MGRN1: variants seen among roughly 807,000 people sequenced by gnomAD.
MGRN1 encodes E3 ubiquitin-protein ligase MGRN1.
A neutral mutation model predicts 69.2 loss-of-function variants in MGRN1; 29 were observed. The observed-to-expected ratio is 0.42, with a 90% CI of 0.31 to 0.57. MGRN1 has a LOEUF of 0.57. Ranked by LOEUF, MGRN1 falls within the 20% of genes least tolerant of loss-of-function variation. MGRN1 has a pLI of 0.15. For missense variants in MGRN1, 998 were observed against 796.2 expected, an observed-to-expected ratio of 1.25 and a Z score of -3.05; for synonymous variants, 470 against 344.2, an observed-to-expected ratio of 1.37 and a Z score of -4.04.
chr16:4,667,830 G>A (rs1596302229), intron 7 of MGRN1, among the ~76,000 whole-genome samples: 1 of 152,062 alleles, frequency 6.6e-6, no homozygotes, highest in Non-Finnish European at 1.5e-5. Flanking sequence ...GCGTGCTCCC[G>A]CTCTGTCTTT....
At position 4,690,294 on chromosome 16, in the gene MGRN1, G is replaced by C. The variant is rs1054395893; in HGVS notation, c.*1386G>C. On this transcript the variant is annotated 3_prime_UTR_variant, in exon 17 of 17. Coordinates refer to ENST00000262370, the MANE Select transcript of MGRN1 (RefSeq NM_015246.4). ...GCCTGGGCCTGGTGACCCAGGGCTG[G>C]ATCCACCCCTGCGGAGCCCTGGGCC... 57 of 152,242 alleles carry C rather than the reference G, an allele frequency of 3.7e-4. No homozygotes were observed. Among genetic ancestry groups the C allele is most frequent in the African/African-American group, 1.2e-3 (50 of 41,508 alleles). The allele number at this position is 152,242 out of a possible 1,614,324, so 9.4% of individuals were successfully genotyped here. A position where few individuals can be genotyped will look rare whatever the true frequency, so the allele number is the denominator to read the frequency against.
chr16:4,680,274 C>T (rs1447365566), intron 12 of MGRN1, 177 bp downstream of exon 12: 6 of 642,904 alleles, frequency 9.3e-6, no homozygotes, highest in South Asian at 6.1e-5. Flanking sequence ...GAAAAGCTCT[C>T]GGTCCGTGGG....
At chr16:4,634,086 C>G (rs763187784) in intron 1 of MGRN1, among the ~76,000 whole-genome samples, 8 of 152,346 alleles carry the variant, frequency 5.3e-5, no homozygotes, top group Middle Eastern at 3.4e-3. Context: ...GGGAGGAGCA[C>G]TAGCTTCAGA....
intron 16 of MGRN1, chr16:4,687,080 AGTCCCTC>A: frequency 1.0e-6 from 1 of 985,494 alleles, no homozygotes; most frequent in Non-Finnish European, 1.2e-6. Flanking sequence ...CCTGGCACAC[AGTCCCTC>A]GTGGGCTGCC....
intron 11 of MGRN1, among the ~76,000 whole-genome samples, chr16:4,679,317 C>G (rs557868896): frequency 3.1e-4 from 47 of 152,304 alleles, no homozygotes; most frequent in African/African-American, 1.1e-3. Flanking sequence ...ATGTTTGTCC[C>G]TCTTATGCTG....
At chr16:4,626,596 A>C (rs1414821531) in intron 1 of MGRN1, among the ~76,000 whole-genome samples, 1 of 152,236 alleles carries the variant, frequency 6.6e-6, no homozygotes, top group East Asian at 1.9e-4. Context: ...TAATGACCAT[A>C]ATCATAGTAA....
chr16:4,664,691 T>G lies in MGRN1; in HGVS notation c.562-18T>G. 6.2e-7 allele frequency: 1 copy of G among 1,614,194 alleles called. No individual in the cohort carries two copies. The highest frequency in any genetic ancestry group is 8.5e-7 in the Non-Finnish European group (1 of 1,180,006). On this transcript the variant is annotated intron_variant, in intron 5 of 16. Coordinates refer to ENST00000262370, the MANE Select transcript of MGRN1 (RefSeq NM_015246.4). ...TGGCTGTGTGGGTCCTGACCATTCTTGGCAACTCTCTCCTCAGCTGAACTT... is the reference window on the plus strand; with the variant it reads ...TGGCTGTGTGGGTCCTGACCATTCTGGGCAACTCTCTCCTCAGCTGAACTT...
At chr16:4,675,898 A>G (rs2079043208) in intron 10 of MGRN1, among the ~76,000 whole-genome samples, 1 of 152,200 alleles carries the variant, frequency 6.6e-6, no homozygotes, top group Non-Finnish European at 1.5e-5. Flanking sequence ...GAACAACCTG[A>G]ATGTTCTCAG....
intron 4 of MGRN1, among the ~76,000 whole-genome samples, chr16:4,653,809 A>G (rs1049796706): frequency 7.3e-5 from 10 of 137,452 alleles, no homozygotes; most frequent in Admixed American, 3.6e-4. Context: ...CTGGAGTGCA[A>G]TGGTGTGATC....
intron 15 of MGRN1, 138 bp downstream of exon 15, chr16:4,683,407 G>A (rs975695110): frequency 7.3e-5 from 74 of 1,009,922 alleles, no homozygotes; most frequent in Middle Eastern, 2.4e-4. Flanking sequence ...GCCCCCCTCG[G>A]CGGCACTGGG....
At chr16:4,660,896 GT>G (rs1175668541) in intron 5 of MGRN1, among the ~76,000 whole-genome samples, 1 of 152,232 alleles carries the variant, frequency 6.6e-6, no homozygotes, top group African/African-American at 2.4e-5. Context: ...CCAGGTGTCT[GT>G]GGTATCCCTC....
At chr16:4,642,294 TTTTA>T (rs1186302505) in intron 1 of MGRN1, among the ~76,000 whole-genome samples, 1 of 151,698 alleles carries the variant, frequency 6.6e-6, no homozygotes, top group African/African-American at 2.4e-5. Context: ...ATTTTTGTAT[TTTTA>T]TTTATTTATT....
Position 4,689,897 on chromosome 16 carries a change from C to G in MGRN1, c.*989C>G, listed in dbSNP as rs2079417992. Reference sequence around the variant, plus strand: ...CGTCCTGCCTTAGGCTCCTGAGTAGCTGGGGATTACAGGTGCCTACCAGCA... The same window carrying G: ...CGTCCTGCCTTAGGCTCCTGAGTAGGTGGGGATTACAGGTGCCTACCAGCA... On this transcript the variant is annotated 3_prime_UTR_variant, in exon 17 of 17. Coordinates refer to ENST00000262370, the MANE Select transcript of MGRN1 (RefSeq NM_015246.4). 1 of 152,038 alleles carries G rather than the reference C, an allele frequency of 6.6e-6. No individual in the cohort carries two copies. The highest frequency in any genetic ancestry group is 2.4e-5 in the African/African-American group (1 of 41,370). 9.4% of individuals were successfully genotyped at this position (152,038 alleles called of 1,614,324 possible).
chr16:4,639,385 G>C (rs540881126), intron 1 of MGRN1, among the ~76,000 whole-genome samples: 1 of 152,186 alleles, frequency 6.6e-6, no homozygotes, highest in Admixed American at 6.5e-5. Flanking sequence ...AAGGTGGGGC[G>C]GGGTGGGCAG....
chr16:4,676,045 C>A (rs570561642), intron 10 of MGRN1, among the ~76,000 whole-genome samples: 5 of 152,230 alleles, frequency 3.3e-5, no homozygotes, highest in East Asian at 1.9e-4. Flanking sequence ...AGGACACATG[C>A]GCTTAGTAGG....
chr16:4,682,475 G>C (rs970198135), intron 13 of MGRN1, among the ~76,000 whole-genome samples: 1 of 152,194 alleles, frequency 6.6e-6, no homozygotes, highest in Non-Finnish European at 1.5e-5. Context: ...CCATGCCCAC[G>C]AGGAGGCAGC....
At chr16:4,648,417 G>A (rs1395695937) in intron 1 of MGRN1, among the ~76,000 whole-genome samples, 76 of 89,388 alleles carry the variant, frequency 8.5e-4, no homozygotes, top group South Asian at 2.2e-3. Flanking sequence ...CCTCCCGGGG[G>A]CTCTTCCCGT....
intron 1 of MGRN1, among the ~76,000 whole-genome samples, chr16:4,648,238 C>G (rs1596276220): frequency 2.0e-5 from 3 of 151,878 alleles, no homozygotes; most frequent in Admixed American, 6.6e-5. Flanking sequence ...CCCTCGGAGA[C>G]TCTTCCCGTG....
At chr16:4,686,166 C>G (rs1018909970) in intron 16 of MGRN1, 15 of 1,438,628 alleles carry the variant, frequency 1.0e-5, no homozygotes, top group Non-Finnish European at 1.2e-5. Context: ...CGGCCTCGAC[C>G]GTGTCCCCAA....
Sources: allele counts gnomAD v4.1 joint callset (sites outside exome capture counted in the v4.1 genomes callset), GRCh38; gene constraint gnomAD v4.1.1; transcripts MANE v1.5; gene names NCBI Gene and HGNC (gene_info 2026-07-23, HGNC 2026-07-21).